Variants in FGF12 observed in about 807,000 individuals in gnomAD.
The protein encoded by FGF12 is fibroblast growth factor 12, also known as fibroblast growth factor 12B.
In FGF12, 14 loss-of-function variants were observed where a neutral mutation model predicts 23.6. The ratio of observed to expected loss-of-function variants is 0.59; its 90% confidence interval spans 0.39 to 0.93. FGF12 has a LOEUF of 0.93. Among genes scored for constraint, FGF12 ranks in the 40% least tolerant of loss-of-function variants. The pLI is 0.00. For synonymous variants in FGF12, 62 were observed against 77.3 expected, an observed-to-expected ratio of 0.80 and a Z score of 1.04; for missense variants, 175 against 217.8, an observed-to-expected ratio of 0.80 and a Z score of 1.24.
chr3:192,499,516 A>ATTTTTTT (rs71177364), intron 2 of FGF12, among the ~76,000 whole-genome samples: 1 of 38,870 alleles, frequency 2.6e-5, no homozygotes, highest in Non-Finnish European at 4.3e-5. Context: ...ATATATATAT[A>ATTTTTTT]TTTTTTTTTT....
chr3:192,398,470 A>T (rs981603772), intron 2 of FGF12, among the ~76,000 whole-genome samples: 1 of 148,926 alleles, frequency 6.7e-6, no homozygotes, highest in Non-Finnish European at 1.5e-5. Context: ...ACTGCAACCT[A>T]CACCTCCCAG....
At chr3:192,443,729 C>T (rs1722271960) in intron 2 of FGF12, among the ~76,000 whole-genome samples, 1 of 152,158 alleles carries the variant, frequency 6.6e-6, no homozygotes, top group East Asian at 1.9e-4. Flanking sequence ...TCTGCATTTT[C>T]ATTTGGACTT....
At chr3:192,254,804 A>T (rs1477775796) in intron 4 of FGF12, among the ~76,000 whole-genome samples, 1 of 152,130 alleles carries the variant, frequency 6.6e-6, no homozygotes, top group Non-Finnish European at 1.5e-5. Flanking sequence ...AAAAGAAGTT[A>T]TAACAAGTTA....
intron 4 of FGF12, among the ~76,000 whole-genome samples, chr3:192,269,144 A>G (rs977675711): frequency 1.4e-5 from 2 of 138,366 alleles, no homozygotes; most frequent in African/African-American, 5.3e-5. Flanking sequence ...CAAATTCCTG[A>G]CCTCAAGTGA....
At chr3:192,485,613 A>T (rs1224929085) in intron 2 of FGF12, among the ~76,000 whole-genome samples, 1 of 152,154 alleles carries the variant, frequency 6.6e-6, no homozygotes, top group Non-Finnish European at 1.5e-5. Flanking sequence ...ACTGTCTTCC[A>T]AAATTTTTTT....
chr3:192,506,667 C>T (rs1379215620), intron 2 of FGF12, among the ~76,000 whole-genome samples: 1 of 152,106 alleles, frequency 6.6e-6, no homozygotes, highest in African/African-American at 2.4e-5. Flanking sequence ...CCACCGAGCC[C>T]GGCTAACATA....
At chr3:192,664,999 T>A (rs543399309) in intron 2 of FGF12, among the ~76,000 whole-genome samples, 32 of 152,308 alleles carry the variant, frequency 2.1e-4, no homozygotes, top group Non-Finnish European at 4.6e-4. Flanking sequence ...AGAAACCTCA[T>A]CTGGCGTTCA....
chr3:192,614,719 C>A (rs1359904470), intron 2 of FGF12, among the ~76,000 whole-genome samples: 2 of 151,660 alleles, frequency 1.3e-5, no homozygotes, highest in Admixed American at 6.6e-5. Flanking sequence ...TGTAATAAGG[C>A]AAAGGAAGAA....
rs538847459 is a variant in FGF12, at chr3:192,197,663, G to T, written c.229-27007C>A. Among the ~76,000 whole-genome samples, 364 of 152,280 alleles carry T rather than the reference G, an allele frequency of 2.4e-3. 1 individual carries two copies. The highest frequency in any genetic ancestry group is 4.8e-3 in the Non-Finnish European group (326 of 68,016). Reference sequence around the variant, plus strand: ...ATGGCCTTTACAAAGCCCTCCTGGGGGCCGGATGTGGTGGCTCACGCCTAT... The same window carrying T: ...ATGGCCTTTACAAAGCCCTCCTGGGTGCCGGATGTGGTGGCTCACGCCTAT... On this transcript the variant is annotated intron_variant, in intron 4 of 5. Coordinates refer to ENST00000445105, the MANE Select transcript of FGF12 (RefSeq NM_004113.6).
chr3:192,417,488 A>G (rs2108782014), intron 2 of FGF12, among the ~76,000 whole-genome samples: 1 of 152,202 alleles, frequency 6.6e-6, no homozygotes, highest in Admixed American at 6.5e-5. Context: ...TAAGATAGAC[A>G]CTGTAAGCAT....
chr3:192,300,632 T>A (rs1401533138), intron 4 of FGF12, among the ~76,000 whole-genome samples: 3 of 151,884 alleles, frequency 2.0e-5, no homozygotes, highest in Non-Finnish European at 4.4e-5. Flanking sequence ...ATGTATTTTT[T>A]TATATATAAA....
At chr3:192,168,892 T>C (rs527645468) in intron 5 of FGF12, among the ~76,000 whole-genome samples, 3 of 152,216 alleles carry the variant, frequency 2.0e-5, no homozygotes, top group Non-Finnish European at 4.4e-5. Context: ...GCTGACCGAA[T>C]GTTTAGTTCT....
At chr3:192,653,001 C>T (rs1716269170) in intron 2 of FGF12, among the ~76,000 whole-genome samples, 1 of 152,160 alleles carries the variant, frequency 6.6e-6, no homozygotes, top group African/African-American at 2.4e-5. Flanking sequence ...ATCTGTGGCC[C>T]TACTCTCCTT....
At chr3:192,644,474 T>C (rs906086147) in intron 2 of FGF12, among the ~76,000 whole-genome samples, 1 of 152,148 alleles carries the variant, frequency 6.6e-6, no homozygotes, top group African/African-American at 2.4e-5. Flanking sequence ...GGTTTCATCA[T>C]GATTCACCAA....
At chr3:192,526,733 A>G (rs1282130077) in intron 2 of FGF12, among the ~76,000 whole-genome samples, 2 of 152,330 alleles carry the variant, frequency 1.3e-5, no homozygotes, top group South Asian at 2.1e-4. Flanking sequence ...TGAAAACTTT[A>G]CCCGAGTTGC....
rs575462114 is a variant in FGF12 at position 192,718,104 on chromosome 3, A to G, written c.13+9077T>C. Reference sequence around the variant, plus strand: ...CTAAAGAAAATCAGACTTCCTATCAATAATGTCAGTAAAACACTCAGCCCT... The same window carrying G: ...CTAAAGAAAATCAGACTTCCTATCAGTAATGTCAGTAAAACACTCAGCCCT... On this transcript the variant is annotated intron_variant, in intron 2 of 5. Transcript: ENST00000445105. Among the ~76,000 whole-genome samples the G allele has an allele frequency of 5.9e-5, 9 of 151,742 alleles. No individual in the cohort carries two copies. The South Asian group carries it at 8.4e-4, about 14-fold the overall frequency.
Position 192,167,712 on chromosome 3 carries a change from T to C in FGF12, c.427+2746A>G, listed in dbSNP as rs575692378. On this transcript the variant is annotated intron_variant, in intron 5 of 5. Coordinates refer to ENST00000445105, the MANE Select transcript of FGF12 (RefSeq NM_004113.6). ...ACCAAAGTACAGATAGCAGCTAAAA[T>C]TAGGAGGGTAGGTTATAGGTATATA... Among the ~76,000 whole-genome samples the C allele has an allele frequency of 1.3e-4, 15 of 117,052 alleles. No homozygotes were observed. The East Asian group carries it at 3.9e-3, about 31-fold the overall frequency. 76.8% of individuals were successfully genotyped at this position (117,052 alleles called of 152,430 possible).
intron 4 of FGF12, among the ~76,000 whole-genome samples, chr3:192,244,022 A>G (rs1354515137): frequency 6.6e-6 from 1 of 152,128 alleles, no homozygotes; most frequent in Non-Finnish European, 1.5e-5. Flanking sequence ...ACTATGATGA[A>G]TAGAATTTTT....
chr3:192,378,072 T>TTCTTTCTTTCTG (rs1719631677), intron 2 of FGF12, among the ~76,000 whole-genome samples: 2 of 119,274 alleles, frequency 1.7e-5, no homozygotes, highest in African/African-American at 3.7e-5. Context: ...CTTTCTTTCT[T>TTCTTTCTTTCTG]TCTTTCTTTC....
Sources: gnomAD v4.1 joint callset for allele counts (sites outside exome capture counted in the v4.1 genomes callset) on GRCh38, gnomAD v4.1.1 for gene constraint, MANE v1.5 for transcripts, NCBI Gene and HGNC (gene_info 2026-07-23, HGNC 2026-07-21) for gene names.